Variants in DCC observed in about 807,000 individuals in gnomAD.
DCC encodes netrin receptor DCC.
A neutral mutation model predicts 172.5 loss-of-function variants in DCC; 58 were observed. The ratio of observed to expected loss-of-function variants is 0.34; its 90% CI spans 0.27 to 0.42. DCC has a LOEUF of 0.42. Among genes scored for constraint, DCC ranks in the 10% least tolerant of loss-of-function variants. DCC has a pLI of 1.00. For synonymous variants in DCC, 709 were observed against 644.5 expected, an observed-to-expected ratio of 1.10 and a Z score of -1.52; for missense variants, 1,740 against 1,791.0, an observed-to-expected ratio of 0.97 and a Z score of 0.51.
At chr18:53,128,265 T>C (rs1226245929) in intron 7 of DCC, among the ~76,000 whole-genome samples, 1 of 152,120 alleles carries the variant, frequency 6.6e-6, no homozygotes, top group Admixed American at 6.6e-5. Flanking sequence ...TACATAACCA[T>C]GTTTATTTGT....
At chr18:52,978,161 T>C (rs1333970911) in intron 5 of DCC, among the ~76,000 whole-genome samples, 1 of 151,954 alleles carries the variant, frequency 6.6e-6, no homozygotes, top group East Asian at 1.9e-4. Flanking sequence ...GTTTTGCCAT[T>C]GAAAAAGTAT....
chr18:52,924,965 TTATC>T (rs562476254), intron 4 of DCC, among the ~76,000 whole-genome samples: 149 of 133,686 alleles, frequency 1.1e-3, no homozygotes, highest in Non-Finnish European at 1.7e-3. Flanking sequence ...TTGGACTAGA[TTATC>T]TATCATTTTT....
At chr18:53,143,183 A>G (rs533230359) in intron 7 of DCC, among the ~76,000 whole-genome samples, 3 of 152,246 alleles carry the variant, frequency 2.0e-5, no homozygotes, top group East Asian at 3.9e-4. Context: ...GGAAGCAAGC[A>G]TATCAATCTA....
At chr18:52,547,025 G>A (rs534035212) in intron 1 of DCC, among the ~76,000 whole-genome samples, 1 of 152,242 alleles carries the variant, frequency 6.6e-6, no homozygotes, top group African/African-American at 2.4e-5. Flanking sequence ...GGGATTTGGT[G>A]TGAGAAACTA....
At chr18:52,849,233 A>G (rs759100854) in intron 2 of DCC, among the ~76,000 whole-genome samples, 24 of 152,148 alleles carry the variant, frequency 1.6e-4, no homozygotes, top group Non-Finnish European at 3.1e-4. Flanking sequence ...TTTATTCTAC[A>G]TAGTATCCTT....
intron 7 of DCC, among the ~76,000 whole-genome samples, chr18:53,072,893 T>G (rs1254236256): frequency 6.6e-6 from 1 of 152,190 alleles, no homozygotes; most frequent in African/African-American, 2.4e-5. Context: ...GGCCAGACAC[T>G]TAACTCCAAG....
At chr18:52,344,777 G>A (rs1452396092) in intron 1 of DCC, among the ~76,000 whole-genome samples, 1 of 101,856 alleles carries the variant, frequency 9.8e-6, no homozygotes, top group Non-Finnish European at 2.3e-5. Context: ...AACTTTGCAT[G>A]TGAAACTTCT....
At chr18:53,133,624 T>C (rs1374516896) in intron 7 of DCC, among the ~76,000 whole-genome samples, 2 of 152,162 alleles carry the variant, frequency 1.3e-5, no homozygotes, top group Admixed American at 6.5e-5. Context: ...TTCATAAAGA[T>C]TGCAAAAGAG....
intron 14 of DCC, among the ~76,000 whole-genome samples, chr18:53,335,436 G>A (rs1049850288): frequency 1.3e-5 from 2 of 152,132 alleles, no homozygotes; most frequent in East Asian, 3.8e-4. Context: ...AAATGTCACA[G>A]GGATTAATAT....
At chr18:52,966,366 G>A (rs147979009) in intron 5 of DCC, among the ~76,000 whole-genome samples, 4 of 152,134 alleles carry the variant, frequency 2.6e-5, no homozygotes, top group South Asian at 2.1e-4. Context: ...TTTGAATTGC[G>A]CAGGCATTCC....
chr18:53,061,727 C>T (rs2042498389), intron 5 of DCC, among the ~76,000 whole-genome samples: 1 of 152,104 alleles, frequency 6.6e-6, no homozygotes, highest in African/African-American at 2.4e-5. Flanking sequence ...TCATAATTTA[C>T]AAGCTGTGTA....
chr18:52,709,754 G>A (rs1346702948), intron 1 of DCC, among the ~76,000 whole-genome samples: 1 of 152,118 alleles, frequency 6.6e-6, no homozygotes, highest in Non-Finnish European at 1.5e-5. Flanking sequence ...ATTTAAAAAT[G>A]GACTTCGAAA....
At chr18:52,917,306 G>A (rs2040057490) in intron 3 of DCC, among the ~76,000 whole-genome samples, 2 of 152,002 alleles carry the variant, frequency 1.3e-5, no homozygotes, top group East Asian at 3.9e-4. Flanking sequence ...GCAACAGAGC[G>A]AGACAGACTC....
rs1244752341 is a variant in DCC at position 52,725,187 on chromosome 18, C to T, written c.92-26867C>T. Among the ~76,000 whole-genome samples, 3 of 152,074 alleles carry T rather than the reference C, an allele frequency of 2.0e-5. No homozygotes were observed. The East Asian group carries it at 5.8e-4, about 29-fold the overall frequency. ...CACCTTTTTCAGGAGGGAAGGAATG[C>T]TAGACTCAGGGAAAGGGCTCCTGAC... On this transcript the variant is annotated intron_variant, in intron 1 of 28. Coordinates refer to ENST00000442544, the MANE Select transcript of DCC (RefSeq NM_005215.4).
chr18:52,878,145 G>A (rs1391163191), intron 2 of DCC, among the ~76,000 whole-genome samples: 4 of 152,040 alleles, frequency 2.6e-5, no homozygotes, highest in Non-Finnish European at 4.4e-5. Flanking sequence ...ATCAGGCCAT[G>A]TAAACCAAAC....
At chr18:52,577,089 A>G (rs2144769503) in intron 1 of DCC, among the ~76,000 whole-genome samples, 1 of 152,328 alleles carries the variant, frequency 6.6e-6, no homozygotes, top group African/African-American at 2.4e-5. Context: ...ATGAATCAAG[A>G]TGCACTTAGG....
intron 1 of DCC, among the ~76,000 whole-genome samples, chr18:52,408,117 A>T (rs1350534002): frequency 1.3e-5 from 2 of 152,110 alleles, no homozygotes; most frequent in Non-Finnish European, 2.9e-5. Context: ...CAATAAGCCT[A>T]TGAAAAGTCC....
intron 24 of DCC, 88 bp downstream of exon 24, chr18:53,459,546 A>G (rs2045525879): frequency 1.2e-6 from 1 of 847,718 alleles, no homozygotes; most frequent in South Asian, 1.4e-5. Context: ...TGTCTTCCCT[A>G]CTAATTTGCA....
At chr18:52,750,109 A>G (rs2036971652) in intron 1 of DCC, among the ~76,000 whole-genome samples, 1 of 152,196 alleles carries the variant, frequency 6.6e-6, no homozygotes, top group African/African-American at 2.4e-5. Context: ...GCAAGCTTAG[A>G]GCAGGGTTCA....
Sources: gnomAD v4.1 joint callset for allele counts (sites outside exome capture counted in the v4.1 genomes callset) on GRCh38, gnomAD v4.1.1 for gene constraint, MANE v1.5 for transcripts, NCBI Gene and HGNC (gene_info 2026-07-23, HGNC 2026-07-21) for gene names.